SLIT2: variants seen among roughly 807,000 people sequenced by gnomAD.
The protein encoded by SLIT2 is slit guidance ligand 2.
Under a neutral mutation model 185.7 loss-of-function variants are expected in SLIT2, and 41 were observed. The observed-to-expected ratio is 0.22, with a 90% confidence interval of 0.17 to 0.29. The LOEUF (loss-of-function observed/expected upper bound fraction) is 0.29, where lower values mean the gene tolerates loss of function less well. Among genes scored for constraint, SLIT2 ranks in the 10% least tolerant of loss-of-function variants. The pLI is 1.00. For missense variants in SLIT2, 1,571 were observed against 1,909.0 expected (o/e 0.82, Z 3.30); for synonymous variants, 693 against 680.2 (o/e 1.02, Z -0.29).
rs1214716387 is a variant in SLIT2, at chr4:20,252,663, C to G, written c.-1153C>G. On this transcript the variant is annotated 5_prime_UTR_variant, in exon 1 of 37. Coordinates refer to ENST00000504154, the MANE Select transcript of SLIT2 (RefSeq NM_004787.4). ...TTGCCATCAGGTGTCTGCCGCGGAG[C>G]TGCGGCTTATCTGGGAGACGAGCGG... Among the ~76,000 whole-genome samples, 1 of 152,248 alleles carries G rather than the reference C, an allele frequency of 6.6e-6. No homozygotes were observed. Among genetic ancestry groups the G allele is most frequent in the African/African-American group, 2.4e-5 (1 of 41,476 alleles).
intron 9 of SLIT2, among the ~76,000 whole-genome samples, chr4:20,497,522 A>T (rs951030252): frequency 1.3e-5 from 2 of 152,212 alleles, no homozygotes; most frequent in African/African-American, 4.8e-5. Context: ...TATGAAGAGA[A>T]CGTAGACAAG....
At chr4:20,379,183 C>G (rs2109337456) in intron 4 of SLIT2, among the ~76,000 whole-genome samples, 1 of 152,144 alleles carries the variant, frequency 6.6e-6, no homozygotes, top group South Asian at 2.1e-4. Flanking sequence ...TATGTGTCAA[C>G]ATAAGACTCA....
chr4:20,377,795 T>A (rs6828150), intron 4 of SLIT2, among the ~76,000 whole-genome samples: 32,673 of 152,128 alleles, frequency 0.21, 3,799 homozygotes, highest in Non-Finnish European at 0.27. Context: ...ACTGCTCCCC[T>A]TAGTCCTGCC....
intron 12 of SLIT2, among the ~76,000 whole-genome samples, chr4:20,523,263 C>G (rs902000225): frequency 6.6e-6 from 1 of 152,068 alleles, no homozygotes; most frequent in Non-Finnish European, 1.5e-5. Context: ...GCTGTTGTGA[C>G]GACTTAGGTT....
Position 20,528,797 on chromosome 4 carries a change from T to C in SLIT2, c.1463-152T>C. 1.8e-6 allele frequency: 1 copy of C among 554,178 alleles called. No homozygotes were observed. The highest frequency in any genetic ancestry group is 3.1e-6 in the Non-Finnish European group (1 of 318,082). The allele number at this position is 554,178 out of a possible 1,614,324, so 34.3% of individuals were successfully genotyped here. A position where few individuals can be genotyped will look rare whatever the true frequency, so the allele number is the denominator to read the frequency against. On this transcript the variant is annotated intron_variant, in intron 15 of 36. Coordinates refer to ENST00000504154, the MANE Select transcript of SLIT2 (RefSeq NM_004787.4). The surrounding 1 kb of genome is among the most constrained non-coding windows in gnomAD (Gnocchi z 4.2). ...TTCCAGAAAATTCCAAGCCTTTCTT[T>C]TAACCTTTCTCCTGACATCCATTGA... is the stretch of plus-strand genomic sequence containing the variant.
chr4:20,305,361 C>A (rs1407025122), intron 4 of SLIT2, among the ~76,000 whole-genome samples: 3 of 152,132 alleles, frequency 2.0e-5, no homozygotes, highest in Admixed American at 1.3e-4. Flanking sequence ...TCTATGTCAC[C>A]TGTGAAAAAA....
intron 4 of SLIT2, among the ~76,000 whole-genome samples, chr4:20,450,310 C>A (rs1712328709): frequency 6.6e-6 from 1 of 152,118 alleles, no homozygotes; most frequent in Non-Finnish European, 1.5e-5. Flanking sequence ...CATGTGGATG[C>A]CCTATGGTTT....
chr4:20,542,749 T>C, intron 21 of SLIT2, 123 bp downstream of exon 21: 2 of 1,062,218 alleles, frequency 1.9e-6, no homozygotes, highest in South Asian at 3.1e-5. Context: ...GGCCAGTTAA[T>C]TATTATCCTG....
intron 33 of SLIT2, among the ~76,000 whole-genome samples, chr4:20,603,985 T>C (rs1437913339): frequency 6.6e-6 from 1 of 152,232 alleles, no homozygotes. Flanking sequence ...GCTTCATTTC[T>C]TTGTGCTTTA....
intron 30 of SLIT2, among the ~76,000 whole-genome samples, chr4:20,593,515 T>A (rs1577988068): frequency 6.6e-6 from 1 of 152,134 alleles, no homozygotes; most frequent in African/African-American, 2.4e-5. Context: ...GCACAAATTT[T>A]CAGTTACAAG....
intron 4 of SLIT2, among the ~76,000 whole-genome samples, chr4:20,290,851 A>G (rs575764146): frequency 6.6e-6 from 1 of 151,874 alleles, no homozygotes; most frequent in East Asian, 1.9e-4. Flanking sequence ...TTTCGTAATA[A>G]CCTATATATC....
chr4:20,326,811 A>G (rs2031141), intron 4 of SLIT2, among the ~76,000 whole-genome samples: 121,105 of 139,500 alleles, frequency 0.87, 52,705 homozygotes, highest in African/African-American at 0.92. Flanking sequence ...AAAATTTGAT[A>G]ATTGTTTCTT....
chr4:20,452,949 G>T (rs1183301663), intron 4 of SLIT2, among the ~76,000 whole-genome samples: 1 of 152,104 alleles, frequency 6.6e-6, no homozygotes, highest in Non-Finnish European at 1.5e-5. Flanking sequence ...ACCAGAAGTT[G>T]CCTTTCAGCT....
intron 3 of SLIT2, 132 bp downstream of exon 3, chr4:20,258,071 G>T: frequency 5.7e-6 from 3 of 522,932 alleles, no homozygotes; most frequent in Non-Finnish European, 1.0e-5. Context: ...ATGAATGAGT[G>T]GTTTTCAGGT....
intron 4 of SLIT2, among the ~76,000 whole-genome samples, chr4:20,285,063 T>C (rs1293180903): frequency 1.3e-5 from 2 of 152,240 alleles, no homozygotes; most frequent in African/African-American, 4.8e-5. Flanking sequence ...TCCTTTCCAC[T>C]TAAATTGTCT....
intron 28 of SLIT2, among the ~76,000 whole-genome samples, chr4:20,567,838 A>G (rs1725234988): frequency 6.6e-6 from 1 of 152,216 alleles, no homozygotes; most frequent in South Asian, 2.1e-4. Flanking sequence ...ACTAATTTAC[A>G]AACATACACA....
intron 12 of SLIT2, among the ~76,000 whole-genome samples, chr4:20,519,990 C>T (rs1489907479): frequency 1.4e-5 from 2 of 141,578 alleles, no homozygotes; most frequent in East Asian, 4.6e-4. Context: ...GCAGAGATCG[C>T]GCCACTGCAC....
At chr4:20,541,370 G>T in intron 19 of SLIT2, 83 bp from the exon 20 acceptor site, 1 of 1,164,390 alleles carries the variant, frequency 8.6e-7, no homozygotes, top group South Asian at 1.4e-5. Context: ...CGGAAATAGC[G>T]TGGAGAAGGG....
At chr4:20,263,706 A>G (rs139075755) in intron 3 of SLIT2, among the ~76,000 whole-genome samples, 2 of 151,950 alleles carry the variant, frequency 1.3e-5, no homozygotes, top group East Asian at 3.9e-4. Flanking sequence ...TCAAAACTTC[A>G]ATTTCCTCAT....
Sources: allele counts gnomAD v4.1 joint callset (sites outside exome capture counted in the v4.1 genomes callset), GRCh38; gene constraint gnomAD v4.1.1; non-coding constraint Gnocchi (gnomAD v3.1); transcripts MANE v1.5; gene names NCBI Gene and HGNC (gene_info 2026-07-23, HGNC 2026-07-21).